THSD4: variants seen among roughly 807,000 people sequenced by gnomAD.
The protein encoded by THSD4 is thrombospondin type 1 domain containing 4, also known as thrombospondin type-1 domain-containing protein 4.
THSD4 carries 69 observed loss-of-function variants against 119.0 expected under a neutral mutation model. That is an observed-to-expected ratio of 0.58 (90% CI 0.48 to 0.71). THSD4 has a LOEUF of 0.71. Ranked by LOEUF, THSD4 falls within the 30% of genes least tolerant of loss-of-function variation. The probability of loss-of-function intolerance (pLI) is 0.00; values close to 1 mark genes in which losing one functional copy is unlikely to be tolerated. For synonymous variants in THSD4, 524 were observed against 540.4 expected (o/e 0.97, Z 0.42); for missense variants, 1,393 against 1,391.1 (o/e 1.00, Z -0.02).
chr15:71,240,139 AT>A (rs2044139720), intron 4 of THSD4, among the ~76,000 whole-genome samples: 1 of 152,080 alleles, frequency 6.6e-6, no homozygotes, highest in Non-Finnish European at 1.5e-5. Flanking sequence ...GTGCTTGTAT[AT>A]TTTACCCCCT....
chr15:71,519,177 A>G (rs2048402931), intron 7 of THSD4, among the ~76,000 whole-genome samples: 1 of 152,026 alleles, frequency 6.6e-6, no homozygotes, highest in Admixed American at 6.6e-5. Context: ...GCAAGCGCAA[A>G]GGCCCTGGGG....
At chr15:71,620,253 T>C (rs1461117063) in intron 7 of THSD4, among the ~76,000 whole-genome samples, 1 of 152,200 alleles carries the variant, frequency 6.6e-6, no homozygotes, top group Non-Finnish European at 1.5e-5. Context: ...AGCTAACTAA[T>C]GAAAAATGCT....
chr15:71,672,699 T>G (rs972002603), intron 8 of THSD4, among the ~76,000 whole-genome samples: 25 of 152,150 alleles, frequency 1.6e-4, no homozygotes, highest in African/African-American at 4.6e-4. Context: ...TAGCATGAAG[T>G]GCTGTTGAAT....
intron 14 of THSD4, among the ~76,000 whole-genome samples, chr15:71,756,062 C>A: frequency 6.6e-6 from 1 of 152,110 alleles, no homozygotes; most frequent in East Asian, 1.9e-4. Flanking sequence ...CAATTGGGGC[C>A]ATATTATAGA....
At chr15:71,562,890 A>C (rs1465026278) in intron 7 of THSD4, among the ~76,000 whole-genome samples, 1 of 151,694 alleles carries the variant, frequency 6.6e-6, no homozygotes, top group African/African-American at 2.4e-5. Flanking sequence ...TTTTAGTAGA[A>C]ACGGGGTTTC....
chr15:71,200,762 A>G (rs992021161), intron 3 of THSD4, among the ~76,000 whole-genome samples: 3 of 152,230 alleles, frequency 2.0e-5, no homozygotes, highest in Admixed American at 2.0e-4. Flanking sequence ...TCAATAAAGT[A>G]TACAATTGAA....
chr15:71,244,803 T>G lies in THSD4; in HGVS notation c.912+1707T>G, dbSNP rs183181243. Among the ~76,000 whole-genome samples, 4 of 152,374 alleles carry G rather than the reference T, an allele frequency of 2.6e-5. No homozygotes were observed. The East Asian group carries it at 7.7e-4, about 29-fold the overall frequency. On this transcript the variant is annotated intron_variant, in intron 5 of 17. Transcript: ENST00000261862. ...TCCTGAATATCTGTTGCTGTTCTTT[T>G]AAAACGAAATGAATTCATTTGTAAT... is the stretch of plus-strand genomic sequence containing the variant.
At chr15:71,590,797 A>G (rs2049781591) in intron 7 of THSD4, among the ~76,000 whole-genome samples, 1 of 151,942 alleles carries the variant, frequency 6.6e-6, no homozygotes, top group African/African-American at 2.4e-5. Context: ...AGGTTAGGAG[A>G]TCAAGACCAT....
rs536518921 is a variant in THSD4, at chr15:71,665,359, G to A, written c.1357+4625G>A. ...TTTTAATGGGGTTGTTTTTTTTTCCGTAAACTTGTGAAAGTTCCTTATAGA... is the reference window on the plus strand; with the variant it reads ...TTTTAATGGGGTTGTTTTTTTTTCCATAAACTTGTGAAAGTTCCTTATAGA... On this transcript the variant is annotated intron_variant, in intron 8 of 17. Transcript: ENST00000261862. Among the ~76,000 whole-genome samples the A allele has an allele frequency of 1.5e-3, 227 of 150,342 alleles. 3 individuals are homozygous for A. The highest frequency in any genetic ancestry group is 5.2e-3 in the African/African-American group (211 of 40,928).
intron 7 of THSD4, among the ~76,000 whole-genome samples, chr15:71,548,754 A>AT (rs940140282): frequency 4.6e-5 from 7 of 152,032 alleles, no homozygotes; most frequent in Admixed American, 1.3e-4. Flanking sequence ...TTCCCTGTTG[A>AT]TTTTTTTCGT....
chr15:71,392,793 T>A (rs1284565006), intron 6 of THSD4, among the ~76,000 whole-genome samples: 1 of 152,178 alleles, frequency 6.6e-6, no homozygotes, highest in Non-Finnish European at 1.5e-5. Flanking sequence ...TTTTCATGTG[T>A]CTTCTGTACA....
chr15:71,463,931 T>C (rs759297139), intron 7 of THSD4, among the ~76,000 whole-genome samples: 3 of 152,244 alleles, frequency 2.0e-5, no homozygotes, highest in Admixed American at 6.5e-5. Flanking sequence ...CTGTGCAAGA[T>C]ATGTTTATTC....
rs779207517 is a variant in THSD4, at chr15:71,277,128, C to CTTTTTTTTTTTT, written c.1015+20416_1015+20427dup. ...TATTTGTATTTGAATTCTTCTTCTT[C>CTTTTTTTTTTTT]TTTTTTTTTTTTTTGAAACGGAGTT... On this transcript the variant is annotated intron_variant, in intron 6 of 17. Coordinates refer to ENST00000261862, the MANE Select transcript of THSD4 (RefSeq NM_024817.3). Among the ~76,000 whole-genome samples, 144 of 122,980 alleles carry CTTTTTTTTTTTT rather than the reference C, an allele frequency of 1.2e-3. 8 individuals are homozygous for CTTTTTTTTTTTT. The highest frequency in any genetic ancestry group is 4.3e-3 in the African/African-American group (127 of 29,738). The allele number at this position is 122,980 out of a possible 152,430, so 80.7% of individuals were successfully genotyped here.
At chr15:71,702,748 G>C (rs368848971) in intron 8 of THSD4, among the ~76,000 whole-genome samples, 1 of 152,112 alleles carries the variant, frequency 6.6e-6, no homozygotes, top group African/African-American at 2.4e-5. Flanking sequence ...CTCTTCACAA[G>C]GCTGGCTCTT....
At chr15:71,601,822 G>A (rs1437524297) in intron 7 of THSD4, among the ~76,000 whole-genome samples, 3 of 152,218 alleles carry the variant, frequency 2.0e-5, no homozygotes, top group African/African-American at 7.2e-5. Context: ...AAGCAGCTGT[G>A]TGCGTGAGCA....
At chr15:71,727,556 ATATAT>A in intron 8 of THSD4, among the ~76,000 whole-genome samples, 1 of 121,870 alleles carries the variant, frequency 8.2e-6, no homozygotes, top group African/African-American at 4.0e-5. Context: ...AAAAAAAAAT[ATATAT>A]ATATATATAT....
chr15:71,601,894 T>C (rs185178119), intron 7 of THSD4, among the ~76,000 whole-genome samples: 212 of 152,358 alleles, frequency 1.4e-3, no homozygotes, highest in African/African-American at 4.7e-3. Flanking sequence ...CCTGGAGTCA[T>C]GTCCAGAATC....
rs541834844 is a variant in THSD4, at chr15:71,473,170, G to T, written c.1152+61347G>T. Among the ~76,000 whole-genome samples the T allele has an allele frequency of 3.7e-4, 56 of 150,212 alleles. 1 individual carries two copies. The South Asian group carries it at 0.012, about 31-fold the overall frequency. On this transcript the variant is annotated intron_variant, in intron 7 of 17. Transcript: ENST00000261862. ...CTTGCAGGCGCAAGCAAATCCTCCTGCCTCAGCCTCCCAAGTGGCTGGGGC... is the reference window on the plus strand; with the variant it reads ...CTTGCAGGCGCAAGCAAATCCTCCTTCCTCAGCCTCCCAAGTGGCTGGGGC...
At chr15:71,567,292 G>A (rs1219540190) in intron 7 of THSD4, among the ~76,000 whole-genome samples, 1 of 152,134 alleles carries the variant, frequency 6.6e-6, no homozygotes, top group Non-Finnish European at 1.5e-5. Flanking sequence ...CTGAGTGCCA[G>A]TGGTTCCTTT....
Sources: allele counts gnomAD v4.1 joint callset (sites outside exome capture counted in the v4.1 genomes callset), GRCh38; gene constraint gnomAD v4.1.1; transcripts MANE v1.5; gene names NCBI Gene and HGNC (gene_info 2026-07-23, HGNC 2026-07-21).